ULK2: variants seen among roughly 807,000 people sequenced by gnomAD.
The protein encoded by ULK2 is serine/threonine-protein kinase ULK2.
Under a neutral mutation model 127.5 loss-of-function variants are expected in ULK2, and 76 were observed. The ratio of observed to expected loss-of-function variants is 0.60; its 90% CI spans 0.50 to 0.72. ULK2 has a LOEUF of 0.72. Among genes scored for constraint, ULK2 ranks in the 30% least tolerant of loss-of-function variants. ULK2 has a pLI of 0.00. For synonymous variants in ULK2, 452 were observed against 461.9 expected, an observed-to-expected ratio of 0.98 and a Z score of 0.28; for missense variants, 1,144 against 1,295.9, an observed-to-expected ratio of 0.88 and a Z score of 1.80.
chr17:19,818,794 TTTC>T (rs1440655841), intron 12 of ULK2, among the ~76,000 whole-genome samples: 2 of 127,246 alleles, frequency 1.6e-5, no homozygotes, highest in African/African-American at 6.0e-5. Context: ...TCTTTTCTTT[TTTC>T]TTTTTTTTTT....
intron 3 of ULK2, among the ~76,000 whole-genome samples, chr17:19,854,208 A>G (rs1327456698): frequency 6.6e-6 from 1 of 150,676 alleles, no homozygotes; most frequent in Non-Finnish European, 1.5e-5. Flanking sequence ...AACCCAGAAG[A>G]CGAAGGTTGC....
chr17:19,794,111 A>C (rs1942254118), intron 20 of ULK2, among the ~76,000 whole-genome samples: 1 of 152,192 alleles, frequency 6.6e-6, no homozygotes, highest in African/African-American at 2.4e-5. Flanking sequence ...GACTTTGCCA[A>C]GGAAAGAATC....
intron 3 of ULK2, among the ~76,000 whole-genome samples, chr17:19,852,044 C>CAAA (rs201031615): frequency 8.1e-5 from 4 of 49,102 alleles, no homozygotes; most frequent in East Asian, 4.6e-4. Flanking sequence ...GACTCCATCT[C>CAAA]AAAAAAAAAA....
intron 10 of ULK2, among the ~76,000 whole-genome samples, chr17:19,831,818 C>T (rs1235583253): frequency 6.6e-6 from 1 of 151,914 alleles, no homozygotes; most frequent in Admixed American, 6.6e-5. Context: ...CAGAGCAAGA[C>T]TCTGTCTCAA....
At chr17:19,810,639 C>T (rs1012791639) in intron 13 of ULK2, among the ~76,000 whole-genome samples, 1 of 152,138 alleles carries the variant, frequency 6.6e-6, no homozygotes. Context: ...TCTTTGGATG[C>T]CCACTTCTAT....
chr17:19,833,202 T>A (rs1296258469), intron 10 of ULK2, among the ~76,000 whole-genome samples: 1 of 150,182 alleles, frequency 6.7e-6, no homozygotes, highest in Non-Finnish European at 1.5e-5. Flanking sequence ...AAAGTTGCTA[T>A]CTGTATTGAA....
At chr17:19,860,566 C>A (rs2042220961) in intron 3 of ULK2, among the ~76,000 whole-genome samples, 2 of 150,376 alleles carry the variant, frequency 1.3e-5, no homozygotes, top group South Asian at 4.2e-4. Context: ...CTCTTGTTGC[C>A]CAGGCTGGAG....
At chr17:19,801,568 T>C (rs3915645) in intron 16 of ULK2, among the ~76,000 whole-genome samples, 140 of 151,858 alleles carry the variant, frequency 9.2e-4, no homozygotes, top group Non-Finnish European at 1.1e-3. Context: ...GGCGACAGAG[T>C]GAGACCTTGT....
intron 3 of ULK2, among the ~76,000 whole-genome samples, chr17:19,850,622 C>G (rs1181561639): frequency 6.6e-6 from 1 of 151,846 alleles, no homozygotes; most frequent in Non-Finnish European, 1.5e-5. Context: ...GCCAGGAGAT[C>G]GAGATCATCC....
intron 7 of ULK2, among the ~76,000 whole-genome samples, chr17:19,843,867 C>T (rs920236049): frequency 5.3e-5 from 8 of 151,872 alleles, no homozygotes; most frequent in Non-Finnish European, 1.2e-4. Context: ...ACCATGTTGG[C>T]CAGGCTGGTC....
intron 18 of ULK2, among the ~76,000 whole-genome samples, chr17:19,796,615 A>G (rs1449032693): frequency 6.6e-6 from 1 of 152,214 alleles, no homozygotes; most frequent in East Asian, 1.9e-4. Flanking sequence ...ACTTACAAGT[A>G]TGTTGACTCA....
In ULK2 at chr17:19,867,351, C is replaced by T. The variant is rs992074917; in HGVS notation, c.67G>A (p.Val23Ile). 6.2e-6 allele frequency: 10 copies of T among 1,602,026 alleles called. No homozygotes were observed. Among genetic ancestry groups the T allele is most frequent in the Non-Finnish European group, 8.5e-6 (10 of 1,175,582 alleles). ...DLVGHGAFAV[V>I]FRGRHRQKTD... ...ACCTGGCGGTGCCGCCCCCGGAAGA[C>T]CACGGCGAAGGCCCCGTGTCCCACG... The change falls in exon 1 of 27, where the codon GTC becomes ATC. Residue 23 changes from valine (V) to isoleucine (I), a missense_variant. Val to Ile is a conservative substitution (Grantham distance 29). This residue lies in a region of ULK2 where 231 missense variants were observed against 325.4 expected (regional missense o/e 0.71). Transcript: ENST00000395544.
At chr17:19,826,680 G>A (rs1270398804) in intron 10 of ULK2, among the ~76,000 whole-genome samples, 1 of 152,194 alleles carries the variant, frequency 6.6e-6, no homozygotes, top group Non-Finnish European at 1.5e-5. Flanking sequence ...AACTGGCCGG[G>A]TGTGGTGGCT....
At position 19,849,783 on chromosome 17, in the gene ULK2, T is replaced by G. The variant is rs781758592; in HGVS notation, c.226-9A>C. ...ACAGAGTTGGGTAATTCCTGAAAAG[T>G]AAACATATTAAATATCATTTAGAGA... On this transcript the variant is annotated splice_polypyrimidine_tract_variant and intron_variant, in intron 3 of 26. Coordinates refer to ENST00000395544, the MANE Select transcript of ULK2 (RefSeq NM_014683.4). The G allele has an allele frequency of 2.0e-6, 3 of 1,503,950 alleles. No homozygotes were observed. The South Asian group carries it at 3.8e-5, about 19-fold the overall frequency. 93.2% of individuals were successfully genotyped at this position (1,503,950 alleles called of 1,614,324 possible).
rs747960082 is a variant in ULK2, at chr17:19,785,924, A to T, written c.2251+13T>A. The T allele has an allele frequency of 3.8e-6, 6 of 1,594,144 alleles. No homozygotes were observed. In the East Asian group the frequency reaches 9.4e-5, roughly 25 times the overall value. On this transcript the variant is annotated intron_variant, in intron 21 of 26. Transcript: ENST00000395544. ...TACTAGCCAAAGACTGTAATATAAC[A>T]AATGCTCCTTACCTGAGGTTGTTCT...
At chr17:19,791,327 A>G (rs1567679377) in intron 20 of ULK2, among the ~76,000 whole-genome samples, 1 of 152,324 alleles carries the variant, frequency 6.6e-6, no homozygotes, top group East Asian at 1.9e-4. Flanking sequence ...AGGCGGGCAG[A>G]TCACTTGAGG....
chr17:19,815,426 G>C (rs1167560413), intron 13 of ULK2, among the ~76,000 whole-genome samples: 1 of 151,970 alleles, frequency 6.6e-6, no homozygotes, highest in Non-Finnish European at 1.5e-5. Flanking sequence ...GGGATTACAG[G>C]TGCGCGCCAC....
intron 13 of ULK2, among the ~76,000 whole-genome samples, chr17:19,812,829 A>G (rs1296465498): frequency 1.3e-5 from 2 of 152,194 alleles, no homozygotes; most frequent in Admixed American, 1.3e-4. Flanking sequence ...GTATTTTTTT[A>G]TATAGAATTC....
chr17:19,848,352 T>C (rs1597807186), intron 5 of ULK2: 2 of 152,326 alleles, frequency 1.3e-5, no homozygotes, highest in Middle Eastern at 6.8e-3. Context: ...AACCTTTCCA[T>C]TTGTAAATAA....
Sources: allele counts gnomAD v4.1 joint callset (sites outside exome capture counted in the v4.1 genomes callset), GRCh38; gene constraint gnomAD v4.1.1; regional missense constraint gnomAD v4.1.1; transcripts MANE v1.5; gene names NCBI Gene and HGNC (gene_info 2026-07-23, HGNC 2026-07-21).